Variants in MAGI2 observed in about 807,000 individuals in gnomAD.
The protein encoded by MAGI2 is membrane-associated guanylate kinase, WW and PDZ domain-containing protein 2.
In MAGI2, 35 loss-of-function variants were observed where a neutral mutation model predicts 133.3. That is an observed-to-expected ratio of 0.26 (90% CI 0.20 to 0.35). The LOEUF (loss-of-function observed/expected upper bound fraction) is 0.35, where lower values mean the gene tolerates loss of function less well. Ranked by LOEUF, MAGI2 falls within the 10% of genes least tolerant of loss-of-function variation. The pLI, the probability that MAGI2 is intolerant of heterozygous loss-of-function variation, is 1.00. For synonymous variants in MAGI2, 729 were observed against 710.6 expected, an observed-to-expected ratio of 1.03 and a Z score of -0.41; for missense variants, 1,636 against 1,863.4, an observed-to-expected ratio of 0.88 and a Z score of 2.25.
chr7:78,898,354 A>G (rs1459137269), intron 2 of MAGI2, among the ~76,000 whole-genome samples: 1 of 152,194 alleles, frequency 6.6e-6, no homozygotes, highest in Non-Finnish European at 1.5e-5. Flanking sequence ...ACATGCATGC[A>G]TATGTTCACT....
At chr7:78,764,448 G>T (rs1824809877) in intron 2 of MAGI2, among the ~76,000 whole-genome samples, 1 of 152,170 alleles carries the variant, frequency 6.6e-6, no homozygotes. Context: ...CGATGAATTT[G>T]TGAATAAAAG....
intron 1 of MAGI2, among the ~76,000 whole-genome samples, chr7:79,281,015 C>T (rs1835600815): frequency 7.0e-6 from 1 of 142,726 alleles, no homozygotes; most frequent in Non-Finnish European, 1.5e-5. Context: ...GGAGCATAAC[C>T]TAACTGTTTC....
rs536737638 is a variant in MAGI2 at position 79,345,553 on chromosome 7, G to T, written c.301+107467C>A. Among the ~76,000 whole-genome samples, 6 of 152,164 alleles carry T rather than the reference G, an allele frequency of 3.9e-5. No homozygotes were observed. The East Asian group carries it at 7.7e-4, about 20-fold the overall frequency. ...ATCCAGGAAGACACCAAGTCTTAAG[G>T]TTAGATTTTGATGTTCTCTTGAGTG... On this transcript the variant is annotated intron_variant, in intron 1 of 21. Transcript: ENST00000354212.
chr7:79,178,755 T>C (rs150495700), intron 1 of MAGI2, among the ~76,000 whole-genome samples: 2,418 of 151,988 alleles, frequency 0.016, 81 homozygotes, highest in African/African-American at 0.049. Context: ...TTCAGTATTA[T>C]GTAAAGGGCA....
In MAGI2 at chr7:79,059,485, AG is replaced by A. The variant is rs539175649; in HGVS notation, c.302-52280del. Among the ~76,000 whole-genome samples the A allele has an allele frequency of 3.5e-3, 531 of 152,256 alleles. 3 individuals carry two copies. The highest frequency in any genetic ancestry group is 0.012 in the African/African-American group (487 of 41,580). On this transcript the variant is annotated intron_variant, in intron 1 of 21. Coordinates refer to ENST00000354212, the MANE Select transcript of MAGI2 (RefSeq NM_012301.4). ...TTAATGTCTGTATAATGGGGACAAT[AG>A]TAACATTCAGTTTAATTGCTATGAG... is the stretch of plus-strand genomic sequence containing the variant.
At chr7:78,352,816 T>C (rs532632120) in intron 7 of MAGI2, 4 of 152,290 alleles carry the variant, frequency 2.6e-5, no homozygotes, top group Admixed American at 6.5e-5. Context: ...AGTTATTTAG[T>C]TAAGACATTA....
intron 9 of MAGI2, among the ~76,000 whole-genome samples, chr7:78,323,802 T>A (rs1788262625): frequency 6.6e-6 from 1 of 152,200 alleles, no homozygotes; most frequent in East Asian, 1.9e-4. Flanking sequence ...CACCTTTAAC[T>A]TAGTACTTCT....
At chr7:78,097,677 G>C (rs1358784267) in intron 20 of MAGI2, among the ~76,000 whole-genome samples, 1 of 152,120 alleles carries the variant, frequency 6.6e-6, no homozygotes, top group Non-Finnish European at 1.5e-5. Context: ...TGGAGGGTGG[G>C]AGGAGGGAGA....
chr7:78,537,720 A>T lies in MAGI2; in HGVS notation c.539-16075T>A, dbSNP rs527542916. On this transcript the variant is annotated intron_variant, in intron 3 of 21. Transcript: ENST00000354212. ...TTTTTCTTGCTGATTTTTTCCTTGT[A>T]GTTCCTTGTAGATTCTAAGTATTAG... is the stretch of plus-strand genomic sequence containing the variant. Among the ~76,000 whole-genome samples the T allele has an allele frequency of 2.7e-4, 41 of 151,848 alleles. 1 individual carries two copies. The highest frequency in any genetic ancestry group is 5.3e-4 in the Non-Finnish European group (36 of 67,948).
chr7:78,124,278 C>G (rs77205774), intron 20 of MAGI2, among the ~76,000 whole-genome samples: 3 of 152,162 alleles, frequency 2.0e-5, no homozygotes, highest in African/African-American at 7.2e-5. Flanking sequence ...GCCAGGAAAC[C>G]ATGTGGAGGC....
chr7:79,371,842 T>C (rs944686615), intron 1 of MAGI2, among the ~76,000 whole-genome samples: 3 of 152,132 alleles, frequency 2.0e-5, no homozygotes, highest in Middle Eastern at 3.2e-3. Context: ...CAATTTTAGC[T>C]CATATTCCCA....
At chr7:78,206,446 C>T (rs1161297132) in intron 10 of MAGI2, among the ~76,000 whole-genome samples, 1 of 152,064 alleles carries the variant, frequency 6.6e-6, no homozygotes, top group African/African-American at 2.4e-5. Context: ...TGTGTGCCAC[C>T]ATGCCCAGCT....
intron 6 of MAGI2, among the ~76,000 whole-genome samples, chr7:78,409,420 G>A (rs1187129154): frequency 6.6e-6 from 1 of 152,032 alleles, no homozygotes; most frequent in Non-Finnish European, 1.5e-5. Context: ...TTAAATCCAC[G>A]CCCAACAGAT....
intron 2 of MAGI2, among the ~76,000 whole-genome samples, chr7:78,730,970 G>A (rs1821316343): frequency 1.3e-5 from 2 of 151,796 alleles, no homozygotes. Flanking sequence ...TCAGAAAATA[G>A]CTTTCTGTTT....
At chr7:79,184,259 T>C (rs909891831) in intron 1 of MAGI2, among the ~76,000 whole-genome samples, 1 of 151,492 alleles carries the variant, frequency 6.6e-6, no homozygotes, top group Non-Finnish European at 1.5e-5. Flanking sequence ...CCAAAATATA[T>C]ATATAATTAT....
intron 3 of MAGI2, among the ~76,000 whole-genome samples, chr7:78,598,228 G>A (rs919807374): frequency 1.3e-5 from 2 of 152,124 alleles, no homozygotes; most frequent in Admixed American, 6.5e-5. Context: ...GTATAGTCTA[G>A]TGGCCACGGA....
chr7:78,114,537 C>T (rs753571008), intron 20 of MAGI2, among the ~76,000 whole-genome samples: 1 of 152,240 alleles, frequency 6.6e-6, no homozygotes, highest in Non-Finnish European at 1.5e-5. Flanking sequence ...AGCTCCTCCC[C>T]AGTCCAGGCA....
intron 14 of MAGI2, among the ~76,000 whole-genome samples, chr7:78,174,023 C>T (rs1358164972): frequency 1.3e-5 from 2 of 152,194 alleles, no homozygotes; most frequent in East Asian, 3.8e-4. Flanking sequence ...CGCCAGGACG[C>T]TATCTCTGTT....
At chr7:79,086,728 T>C (rs17151938) in intron 1 of MAGI2, among the ~76,000 whole-genome samples, 4,236 of 151,906 alleles carry the variant, frequency 0.028, 216 homozygotes, top group African/African-American at 0.097. Flanking sequence ...ATCTTCCCAA[T>C]TGAAAACACT....
Sources: gnomAD v4.1 joint callset for allele counts (sites outside exome capture counted in the v4.1 genomes callset) on GRCh38, gnomAD v4.1.1 for gene constraint, MANE v1.5 for transcripts, NCBI Gene and HGNC (gene_info 2026-07-23, HGNC 2026-07-21) for gene names.